The following OPRL1 variants were observed in gnomAD, a reference collection of about 807,000 sequenced individuals.
The protein encoded by OPRL1 is opioid related nociceptin receptor 1.
OPRL1 carries 5 observed loss-of-function variants against 15.5 expected under a neutral mutation model. That is an observed-to-expected ratio of 0.32 (90% CI 0.17 to 0.68). The LOEUF is 0.68. OPRL1 is among the 30% of genes least tolerant of loss of function. The pLI is 0.72. For synonymous variants in OPRL1, 223 were observed against 230.2 expected (o/e 0.97, Z 0.28); for missense variants, 406 against 515.3 (o/e 0.79, Z 2.05).
intron 3 of OPRL1, among the ~76,000 whole-genome samples, chr20:64,096,612 C>T (rs986550520): frequency 1.3e-5 from 2 of 152,002 alleles, no homozygotes; most frequent in Non-Finnish European, 2.9e-5. Context: ...AGAATGGAGC[C>T]CCATATTTCC....
Position 64,089,356 on chromosome 20 carries a change from G to T in OPRL1, c.-184-2610G>T, listed in dbSNP as rs867802528. Reference sequence around the variant, plus strand: ...TGAAAGGCCAGGCAAGGCAGAGCTGGGAGCTGCCTTGGTGGGGGTGCAGGT... The same window carrying T: ...TGAAAGGCCAGGCAAGGCAGAGCTGTGAGCTGCCTTGGTGGGGGTGCAGGT... On this transcript the variant is annotated intron_variant, in intron 1 of 4. Transcript: ENST00000336866. The surrounding 1 kb of genome is among the most constrained non-coding windows in gnomAD (Gnocchi z 5.5). 2.0e-5 allele frequency among the ~76,000 whole-genome samples: 3 copies of T among 152,132 alleles called. No homozygotes were observed. Among genetic ancestry groups the T allele is most frequent in the Non-Finnish European group, 4.4e-5 (3 of 68,022 alleles).
chr20:64,097,881 C>A lies in OPRL1; in HGVS notation c.313C>A (p.Pro105Thr). 6.2e-7 allele frequency: 1 copy of A among 1,613,680 alleles called. No individual in the cohort carries two copies. The highest frequency in any genetic ancestry group is 1.1e-5 in the South Asian group (1 of 91,082). ...CGACACTCTGGTCCTGCTGACGCTG[C>A]CCTTCCAGGGCACGGACATCCTCCT... ...LADTLVLLTL[P>T]FQGTDILLGF... The change falls in exon 4 of 5, where the codon CCC (proline) becomes ACC (threonine). Residue 105 changes from proline to threonine, a missense_variant. Transcript: ENST00000336866. The surrounding 1 kb of genome is among the most constrained non-coding windows in gnomAD (Gnocchi z 4.2).
intron 1 of OPRL1, chr20:64,086,378 C>A: frequency 6.2e-6 from 1 of 162,050 alleles, no homozygotes; most frequent in Non-Finnish European, 1.4e-5. Context: ...GGCTCACATT[C>A]CTCACCCCTA....
chr20:64,086,364 A>G (rs2060050846), intron 1 of OPRL1: 2 of 156,888 alleles, frequency 1.3e-5, no homozygotes, highest in Non-Finnish European at 2.9e-5. Context: ...CCCAGGGCCT[A>G]CCTGGCTCAC....
intron 3 of OPRL1, among the ~76,000 whole-genome samples, chr20:64,096,787 ATCC>A (rs1979165700): frequency 6.6e-6 from 1 of 151,556 alleles, no homozygotes; most frequent in African/African-American, 2.4e-5. Context: ...CACATTCACC[ATCC>A]TCACCATCCT....
Position 64,083,789 on chromosome 20 carries a change from C to T in OPRL1, c.-185+3437C>T. On this transcript the variant is annotated intron_variant, in intron 1 of 4. Transcript: ENST00000336866. This position sits in a 1 kb window ranked among gnomAD's most constrained non-coding sequence, Gnocchi z 4.9. The stretch of plus-strand genomic sequence containing the variant: ...CTCCGCTCAACGCTCCCGGTGCGCC[C>T]CCTCTGCCCTCCGACCCCCTCGCCT... 7.5e-7 allele frequency: 1 copy of T among 1,335,798 alleles called. No homozygotes were observed. Among genetic ancestry groups the T allele is most frequent in the Non-Finnish European group, 9.5e-7 (1 of 1,049,224 alleles). The allele number at this position is 1,335,798 out of a possible 1,614,324, so 82.7% of individuals were successfully genotyped here.
At chr20:64,088,381 A>C (rs1324969512) in intron 1 of OPRL1, among the ~76,000 whole-genome samples, 1 of 151,492 alleles carries the variant, frequency 6.6e-6, no homozygotes, top group Admixed American at 6.6e-5. Flanking sequence ...GGATCTTTGC[A>C]GTGGGGCCAG....
rs1836543379 is a variant in OPRL1, at chr20:64,080,090, C to G, written c.-447C>G. On this transcript the variant is annotated 5_prime_UTR_variant, in exon 1 of 5. Coordinates refer to ENST00000336866, the MANE Select transcript of OPRL1 (RefSeq NM_182647.4). ...GGCCGGCTCCGCACCCCACCCGCCCCGCCCGCGCGTCGGCCCCCACAGTCG... is the reference window on the plus strand; with the variant it reads ...GGCCGGCTCCGCACCCCACCCGCCCGGCCCGCGCGTCGGCCCCCACAGTCG... 1.3e-5 allele frequency: 2 copies of G among 149,826 alleles called. No homozygotes were observed. Among genetic ancestry groups the G allele is most frequent in the South Asian group, 1.9e-4 (1 of 5,272 alleles). The allele number at this position is 149,826 out of a possible 1,614,324, so 9.3% of individuals were successfully genotyped here.
rs1291808106 is a variant in OPRL1 at position 64,098,913 on chromosome 20, C to T, written c.*114C>T. 8.0e-6 allele frequency: 11 copies of T among 1,369,036 alleles called. No homozygotes were observed. Among genetic ancestry groups the T allele is most frequent in the Non-Finnish European group, 1.1e-5 (11 of 1,034,542 alleles). The allele number at this position is 1,369,036 out of a possible 1,614,324, so 84.8% of individuals were successfully genotyped here. On this transcript the variant is annotated 3_prime_UTR_variant, in exon 5 of 5. Coordinates refer to ENST00000336866, the MANE Select transcript of OPRL1 (RefSeq NM_182647.4). ...CGGACACACCCTGGGCCCTGAGCAT[C>T]CAGAGCCTGGGATGGGCTTTTCCCT... is the stretch of plus-strand genomic sequence containing the variant.
At position 64,083,987 on chromosome 20, in the gene OPRL1, G is replaced by A. The variant is rs2060007624; in HGVS notation, c.-185+3635G>A. 6.8e-7 allele frequency: 1 copy of A among 1,481,166 alleles called. No individual in the cohort carries two copies. The highest frequency in any genetic ancestry group is 1.3e-5 in the South Asian group (1 of 78,132). The allele number at this position is 1,481,166 out of a possible 1,614,324, so 91.8% of individuals were successfully genotyped here. A position where few individuals can be genotyped will look rare whatever the true frequency, so the allele number is the denominator to read the frequency against. ...CGGTTCCACCGACCCGCACGGGAAG[G>A]TGGAGGCCGCCGCGCCCACGTCCTC... On this transcript the variant is annotated intron_variant, in intron 1 of 4. Coordinates refer to ENST00000336866, the MANE Select transcript of OPRL1 (RefSeq NM_182647.4). The surrounding 1 kb of genome is among the most constrained non-coding windows in gnomAD (Gnocchi z 4.9).
intron 2 of OPRL1, among the ~76,000 whole-genome samples, chr20:64,092,353 A>G (rs890019655): frequency 1.3e-5 from 2 of 152,114 alleles, no homozygotes; most frequent in African/African-American, 4.8e-5. Flanking sequence ...TGTGTTCATC[A>G]GTCCCTGTGG....
At chr20:64,086,985 A>G (rs1043452679) in intron 1 of OPRL1, among the ~76,000 whole-genome samples, 2 of 152,154 alleles carry the variant, frequency 1.3e-5, no homozygotes, top group African/African-American at 4.8e-5. Context: ...ACTGGATGAG[A>G]GTGAGGTGTG....
In OPRL1 at chr20:64,089,139, G is replaced by A. The variant is rs950356216; in HGVS notation, c.-184-2827G>A. Among the ~76,000 whole-genome samples, 3 of 152,090 alleles carry A rather than the reference G, an allele frequency of 2.0e-5. No individual in the cohort carries two copies. The highest frequency in any genetic ancestry group is 1.3e-4 in the Admixed American group (2 of 15,282). On this transcript the variant is annotated intron_variant, in intron 1 of 4. Transcript: ENST00000336866. The surrounding 1 kb of genome is among the most constrained non-coding windows in gnomAD (Gnocchi z 5.5). ...CCAGGGTCTGTGCTGGGGGTTTGCC[G>A]CAGGCACAAGGGAGGGAGAAGCTGT...
chr20:64,098,228 C>T (rs1425127034), intron 4 of OPRL1, 48 bp from the exon 5 acceptor site: 1 of 1,602,102 alleles, frequency 6.2e-7, no homozygotes, highest in Non-Finnish European at 8.5e-7. Context: ...GGCCCACGTG[C>T]CCTCCACGTC....
In OPRL1 at chr20:64,098,600, C is replaced by T. The variant is rs772654648; in HGVS notation, c.914C>T (p.Thr305Met). 7.4e-6 allele frequency: 12 copies of T among 1,612,744 alleles called. No homozygotes were observed. The highest frequency in any genetic ancestry group is 2.2e-5 in the South Asian group (2 of 91,088). ...ETAVAILRFC[T>M]ALGYVNSCLN... is the part of the protein sequence containing the mutation. ...GCCGTGGCCATTCTGCGCTTCTGCA[C>T]GGCCCTGGGCTACGTCAACAGCTGC... Residue 305 changes from threonine to methionine, a missense_variant, in exon 5 of 5, where the codon ACG becomes ATG. By Grantham distance (81) the Thr-to-Met change is moderately conservative. Coordinates refer to ENST00000336866, the MANE Select transcript of OPRL1 (RefSeq NM_182647.4).
chr20:64,087,780 T>C (rs1457402867), intron 1 of OPRL1, among the ~76,000 whole-genome samples: 1 of 152,268 alleles, frequency 6.6e-6, no homozygotes, highest in East Asian at 1.9e-4. Context: ...TTGTGTAACA[T>C]ATATGTTCTA....
rs1182975904 is a variant in OPRL1 at position 64,100,358 on chromosome 20, C to T, written c.*1559C>T. On this transcript the variant is annotated 3_prime_UTR_variant, in exon 5 of 5. Transcript: ENST00000336866. ...GTCTCGCAACAGAGCCTGGGCTGCT[C>T]CTCCTGCTCTGGGGAGTCTAGGCCG... The T allele has an allele frequency of 2.6e-5, 4 of 151,746 alleles. No homozygotes were observed. Among genetic ancestry groups the T allele is most frequent in the Non-Finnish European group, 5.9e-5 (4 of 67,980 alleles). The allele number at this position is 151,746 out of a possible 1,614,324, so 9.4% of individuals were successfully genotyped here. A position where few individuals can be genotyped will look rare whatever the true frequency, so the allele number is the denominator to read the frequency against.
At position 64,088,921 on chromosome 20, in the gene OPRL1, GATCT is replaced by G. The variant is rs1569272151; in HGVS notation, c.-184-3044_-184-3041del. Among the ~76,000 whole-genome samples the G allele has an allele frequency of 4.8e-4, 50 of 104,230 alleles. 1 individual carries two copies. The highest frequency in any genetic ancestry group is 2.1e-3 in the South Asian group (6 of 2,830). The allele number at this position is 104,230 out of a possible 152,430, so 68.4% of individuals were successfully genotyped here. On this transcript the variant is annotated intron_variant, in intron 1 of 4. Transcript: ENST00000336866. ...GCCAGGGTCTGTGCAGAGTGGCCAG[GATCT>G]GTGCAAGGGGTAGGATCTGTGCAGA...
Position 64,097,525 on chromosome 20 carries a change from T to A in OPRL1, c.234-277T>A, listed in dbSNP as rs952133372. Among the ~76,000 whole-genome samples, 1 of 152,158 alleles carries A rather than the reference T, an allele frequency of 6.6e-6. No individual in the cohort carries two copies. The highest frequency in any genetic ancestry group is 2.4e-5 in the African/African-American group (1 of 41,420). The stretch of plus-strand genomic sequence containing the variant: ...CCTACATGCCCTGACTCCTCTAAAG[T>A]AGACCTGTGTTTAAGGCTTGGAATC... On this transcript the variant is annotated intron_variant, in intron 3 of 4. Transcript: ENST00000336866. This position sits in a 1 kb window ranked among gnomAD's most constrained non-coding sequence, Gnocchi z 4.2.
Sources: allele counts gnomAD v4.1 joint callset (sites outside exome capture counted in the v4.1 genomes callset), GRCh38; gene constraint gnomAD v4.1.1; non-coding constraint Gnocchi (gnomAD v3.1); transcripts MANE v1.5; gene names NCBI Gene and HGNC (gene_info 2026-07-23, HGNC 2026-07-21).